The following PBX1 variants were observed in gnomAD, a reference collection of about 807,000 sequenced individuals.
The protein encoded by PBX1 is PBX homeobox 1, also known as pre-B-cell leukemia transcription factor 1.
PBX1 carries 6 observed loss-of-function variants against 53.4 expected under a neutral mutation model. The ratio of observed to expected loss-of-function variants is 0.11; its 90% CI spans 0.06 to 0.22. The LOEUF is 0.22. Ranked by LOEUF, PBX1 falls within the 10% of genes least tolerant of loss-of-function variation. The pLI is 1.00. For missense variants in PBX1, 251 were observed against 551.4 expected, an observed-to-expected ratio of 0.46 and a Z score of 5.46; for synonymous variants, 204 against 212.3, an observed-to-expected ratio of 0.96 and a Z score of 0.34.
intron 6 of PBX1, chr1:164,813,703 A>G (rs1163155005): frequency 2.0e-5 from 3 of 152,248 alleles, no homozygotes; most frequent in Admixed American, 6.5e-5. Flanking sequence ...TGTCCCTGGT[A>G]TATCTGCATC....
chr1:164,810,878 G>A (rs1165458266), intron 5 of PBX1, among the ~76,000 whole-genome samples: 4 of 151,958 alleles, frequency 2.6e-5, no homozygotes, highest in South Asian at 2.1e-4. Context: ...AAAAAAGAAA[G>A]GCTTGGCATT....
chr1:164,718,218 T>C (rs1664213878), intron 2 of PBX1, among the ~76,000 whole-genome samples: 2 of 152,218 alleles, frequency 1.3e-5, no homozygotes, highest in Admixed American at 6.5e-5. Flanking sequence ...TATACATTAA[T>C]GTGTAATAAA....
chr1:164,760,519 C>G (rs942672430), intron 2 of PBX1, among the ~76,000 whole-genome samples: 1 of 147,318 alleles, frequency 6.8e-6, no homozygotes, highest in African/African-American at 2.5e-5. Flanking sequence ...TATATTCACT[C>G]TCTTTAAGAA....
chr1:164,604,325 CTA>C (rs767082476), intron 2 of PBX1, among the ~76,000 whole-genome samples: 1 of 152,312 alleles, frequency 6.6e-6, no homozygotes, highest in East Asian at 1.9e-4. Context: ...CTTGACCACA[CTA>C]TGTTTGGTTG....
At chr1:164,664,271 C>T (rs1004220136) in intron 2 of PBX1, among the ~76,000 whole-genome samples, 2 of 152,170 alleles carry the variant, frequency 1.3e-5, no homozygotes, top group Non-Finnish European at 2.9e-5. Context: ...GGTGTCTTGA[C>T]CTTTTGAGGT....
intron 2 of PBX1, among the ~76,000 whole-genome samples, chr1:164,598,980 C>G (rs558155903): frequency 4.2e-4 from 64 of 152,008 alleles, no homozygotes; most frequent in African/African-American, 1.4e-3. Flanking sequence ...TTGTCCAGCT[C>G]CAGTCTATGT....
chr1:164,667,933 T>C (rs74117966), intron 2 of PBX1, among the ~76,000 whole-genome samples: 5,056 of 152,120 alleles, frequency 0.033, 117 homozygotes, highest in Admixed American at 0.057. Flanking sequence ...CTACGGGAGG[T>C]CAGCAGGCTG....
intron 2 of PBX1, among the ~76,000 whole-genome samples, chr1:164,677,150 T>C (rs1418912594): frequency 1.3e-5 from 2 of 149,354 alleles, no homozygotes; most frequent in Admixed American, 6.7e-5. Flanking sequence ...CGGACTGCAG[T>C]GGCACAATCT....
At chr1:164,756,876 G>A (rs1195246110) in intron 2 of PBX1, among the ~76,000 whole-genome samples, 1 of 152,184 alleles carries the variant, frequency 6.6e-6, no homozygotes, top group African/African-American at 2.4e-5. Context: ...AATTCAAACA[G>A]TTGTCACAGA....
At chr1:164,684,829 T>C (rs561775908) in intron 2 of PBX1, 1 of 152,314 alleles carries the variant, frequency 6.6e-6, no homozygotes, top group Non-Finnish European at 1.5e-5. Flanking sequence ...CCTCCCGATA[T>C]ATTTACAGAA....
At chr1:164,839,578 G>A (rs531981223) in intron 8 of PBX1, among the ~76,000 whole-genome samples, 69 of 152,154 alleles carry the variant, frequency 4.5e-4, no homozygotes, top group Non-Finnish European at 6.6e-4. Context: ...AAGATGACAC[G>A]GATTTGTAGA....
chr1:164,857,119 A>G (rs1287169551), intron 2 of PBX1, among the ~76,000 whole-genome samples: 1 of 152,174 alleles, frequency 6.6e-6, no homozygotes, highest in Non-Finnish European at 1.5e-5. Context: ...GCTCAGTCCC[A>G]CAAGCCTGCC....
At chr1:164,621,387 C>G (rs1471445889) in intron 2 of PBX1, among the ~76,000 whole-genome samples, 1 of 152,144 alleles carries the variant, frequency 6.6e-6, no homozygotes, top group Non-Finnish European at 1.5e-5. Context: ...AATTAGGTTC[C>G]CAGAAACTAT....
chr1:164,815,815 A>T (rs1353140586), intron 6 of PBX1: 1 of 152,184 alleles, frequency 6.6e-6, no homozygotes, highest in Non-Finnish European at 1.5e-5. Context: ...CGTGGGGATT[A>T]TGGGGATTAC....
At chr1:164,722,218 G>A (rs1224022483) in intron 2 of PBX1, among the ~76,000 whole-genome samples, 1 of 152,042 alleles carries the variant, frequency 6.6e-6, no homozygotes, top group African/African-American at 2.4e-5. Flanking sequence ...CTTATGCTGC[G>A]ATCAATGGGT....
At position 164,715,101 on chromosome 1, in the gene PBX1, A is replaced by G. The variant is rs548293083; in HGVS notation, c.266-77393A>G. 2.0e-5 allele frequency among the ~76,000 whole-genome samples: 3 copies of G among 152,216 alleles called. No individual in the cohort carries two copies. In the East Asian group the frequency reaches 5.8e-4, roughly 29 times the overall value. On this transcript the variant is annotated intron_variant, in intron 2 of 8. Transcript: ENST00000420696. ...AGGCACCTAACTCATAAAGTGCTCT[A>G]CACACAGAGCTGCTCAATAAATGTT...
chr1:164,636,788 G>T (rs1353287098), intron 2 of PBX1, among the ~76,000 whole-genome samples: 1 of 152,150 alleles, frequency 6.6e-6, no homozygotes, highest in African/African-American at 2.4e-5. Context: ...CCACCAAGCT[G>T]CTGATTCTAA....
At chr1:164,589,762 G>T (rs1274354709) in intron 2 of PBX1, among the ~76,000 whole-genome samples, 1 of 152,188 alleles carries the variant, frequency 6.6e-6, no homozygotes, top group African/African-American at 2.4e-5. Context: ...TCCTAAGATT[G>T]AATTGCTGGG....
At chr1:164,560,558 C>T (rs796891776) in intron 1 of PBX1, 1 of 186,644 alleles carries the variant, frequency 5.4e-6, no homozygotes, top group Non-Finnish European at 1.1e-5. Flanking sequence ...TTCTTCCCCC[C>T]CTACCCAAAA....
Sources: allele counts gnomAD v4.1 joint callset (sites outside exome capture counted in the v4.1 genomes callset), GRCh38; gene constraint gnomAD v4.1.1; transcripts MANE v1.5; gene names NCBI Gene and HGNC (gene_info 2026-07-23, HGNC 2026-07-21).